GRAPL: variants seen among roughly 807,000 people sequenced by gnomAD.
The protein encoded by GRAPL is GRB2 related adaptor protein like, also known as GRB2-related adapter protein-like.
intron 3 of GRAPL, among the ~76,000 whole-genome samples, chr17:19,147,063 G>A (rs1257509788): frequency 7.4e-6 from 1 of 135,874 alleles, no homozygotes; most frequent in East Asian, 2.5e-4. Context: ...GCGCGCGCGC[G>A]CGTGCATGTG....
At chr17:19,147,288 G>A (rs2044704831) in intron 3 of GRAPL, among the ~76,000 whole-genome samples, 2 of 129,318 alleles carry the variant, frequency 1.5e-5, no homozygotes, top group Admixed American at 1.5e-4. Context: ...GCCCTCCCTC[G>A]GGGTCCTAAA....
intron 3 of GRAPL, among the ~76,000 whole-genome samples, chr17:19,149,162 T>C (rs1270998838): frequency 1.2e-5 from 1 of 86,070 alleles, no homozygotes; most frequent in Admixed American, 1.4e-4. Context: ...ACCCCGTCTC[T>C]ACTAAAAATA....
chr17:19,149,311 AG>A (rs1462404331), intron 3 of GRAPL, among the ~76,000 whole-genome samples: 2 of 86,064 alleles, frequency 2.3e-5, no homozygotes, highest in Admixed American at 2.7e-4. Flanking sequence ...CCTGGGCAAC[AG>A]AGCAAGACTC....
At chr17:19,147,016 G>GGTGT (rs764286470) in intron 3 of GRAPL, among the ~76,000 whole-genome samples, 258 of 98,104 alleles carry the variant, frequency 2.6e-3, no homozygotes, top group African/African-American at 6.4e-3. Context: ...GAGAGGTAGG[G>GGTGT]GTGTGTGTGT....
chr17:19,147,048 T>TGCGC (rs1318303160), intron 3 of GRAPL, among the ~76,000 whole-genome samples: 15 of 125,990 alleles, frequency 1.2e-4, no homozygotes, highest in African/African-American at 5.8e-4. Context: ...TGTGTGTGTG[T>TGCGC]GTGCGCGCGC....
At chr17:19,143,011 C>T (rs1459466367) in intron 3 of GRAPL, 2 of 101,242 alleles carry the variant, frequency 2.0e-5, no homozygotes, top group Non-Finnish European at 3.2e-5. Flanking sequence ...GGGAGCCCCT[C>T]CTGGCCTGGA....
At chr17:19,141,618 AT>A in intron 3 of GRAPL, 1 of 145,018 alleles carries the variant, frequency 6.9e-6, no homozygotes, top group East Asian at 2.8e-4. Context: ...CACCCCCGGG[AT>A]GGTGTGGGCA....
chr17:19,148,996 T>C (rs1205373416), intron 3 of GRAPL, among the ~76,000 whole-genome samples: 1 of 127,416 alleles, frequency 7.8e-6, no homozygotes, highest in Non-Finnish European at 1.6e-5. Flanking sequence ...TTGGCGATAG[T>C]GGGCTGGCTG....
intron 3 of GRAPL, among the ~76,000 whole-genome samples, chr17:19,148,831 C>A (rs980784542): frequency 0.013 from 1,482 of 111,430 alleles, 2 homozygotes; most frequent in African/African-American, 0.046. Flanking sequence ...TGGCGTGAAC[C>A]TGGGAGGCGG....
intron 3 of GRAPL, among the ~76,000 whole-genome samples, chr17:19,144,644 A>G (rs1354621721): frequency 7.9e-6 from 1 of 126,254 alleles, no homozygotes; most frequent in Non-Finnish European, 1.6e-5. Context: ...TCCTCTCACC[A>G]ACTCAGGCCC....
In GRAPL at chr17:19,147,053, G is replaced by A. The variant is rs868781006; in HGVS notation, c.299+8465G>A. 8.4e-3 allele frequency among the ~76,000 whole-genome samples: 1,052 copies of A among 124,582 alleles called. 5 individuals are homozygous for A. The highest frequency in any genetic ancestry group is 0.035 in the African/African-American group (1,002 of 28,638). The allele number at this position is 124,582 out of a possible 152,430, so 81.7% of individuals were successfully genotyped here. On this transcript the variant is annotated intron_variant, in intron 3 of 3. Coordinates refer to ENST00000344415, the MANE Select transcript of GRAPL (RefSeq NM_001129778.3). Reference sequence around the variant, plus strand: ...TGTGTGTGTGTGTGTGTGTGTGTGCGCGCGCGCGCGCGTGCATGTGTCCCA... The same window carrying A: ...TGTGTGTGTGTGTGTGTGTGTGTGCACGCGCGCGCGCGTGCATGTGTCCCA...
rs1251614540 is a variant in GRAPL at position 19,142,317 on chromosome 17, AGT to A, written c.299+3730_299+3731del. ...GAGTAGGATTTTGGCGCACAAGGAG[AGT>A]AGATGATATGCCAGGCACAGGGAAC... On this transcript the variant is annotated intron_variant, in intron 3 of 3. Coordinates refer to ENST00000344415, the MANE Select transcript of GRAPL (RefSeq NM_001129778.3). The A allele has an allele frequency of 1.2e-3, 123 of 100,962 alleles. 50 individuals are homozygous for A. Among genetic ancestry groups the A allele is most frequent in the African/African-American group, 0.011 (117 of 10,462 alleles). The allele number at this position is 100,962 out of a possible 1,614,324, so 6.3% of individuals were successfully genotyped here. A position where few individuals can be genotyped will look rare whatever the true frequency, so the allele number is the denominator to read the frequency against.
intron 3 of GRAPL, among the ~76,000 whole-genome samples, chr17:19,147,053 G>GCGCGCA (rs973774593): frequency 8.0e-6 from 1 of 124,714 alleles, no homozygotes; most frequent in African/African-American, 3.5e-5. Context: ...GTGTGTGTGC[G>GCGCGCA]CGCGCGCGCG....
chr17:19,144,394 G>T (rs1385310337), intron 3 of GRAPL, among the ~76,000 whole-genome samples: 1 of 121,590 alleles, frequency 8.2e-6, no homozygotes, highest in Non-Finnish European at 1.7e-5. Flanking sequence ...TTTTCTGACA[G>T]CCCAGGGGTC....
chr17:19,147,048 TGTGC>T (rs1231036784), intron 3 of GRAPL, among the ~76,000 whole-genome samples: 2 of 125,990 alleles, frequency 1.6e-5, no homozygotes, highest in Admixed American at 7.7e-5. Flanking sequence ...TGTGTGTGTG[TGTGC>T]GCGCGCGCGC....
chr17:19,148,907 C>CA (rs1177333542), intron 3 of GRAPL, among the ~76,000 whole-genome samples: 11,080 of 78,348 alleles, frequency 0.14, 1,460 homozygotes, highest in East Asian at 0.78. Context: ...GACCACGCCT[C>CA]AAAAAAAAAA....
intron 3 of GRAPL, among the ~76,000 whole-genome samples, chr17:19,147,088 C>G (rs2061693420): frequency 7.1e-6 from 1 of 141,658 alleles, no homozygotes; most frequent in South Asian, 2.4e-4. Context: ...ATCAAGGCAT[C>G]AAGTGCTTTG....
At chr17:19,144,936 CATT>C (rs1401407235) in intron 3 of GRAPL, among the ~76,000 whole-genome samples, 1 of 12,962 alleles carries the variant, frequency 7.7e-5, no homozygotes. Flanking sequence ...AGGGAAAAGG[CATT>C]ATTTCTGGTG....
At chr17:19,137,013 TG>T (rs2152188071) in intron 2 of GRAPL, among the ~76,000 whole-genome samples, 1 of 148,702 alleles carries the variant, frequency 6.7e-6, no homozygotes, top group Non-Finnish European at 1.5e-5. Flanking sequence ...TGCTGTCACA[TG>T]GGGGATTAGG....
Sources: allele counts gnomAD v4.1 joint callset (sites outside exome capture counted in the v4.1 genomes callset), GRCh38; gene constraint gnomAD v4.1.1; transcripts MANE v1.5; gene names NCBI Gene and HGNC (gene_info 2026-07-23, HGNC 2026-07-21).